Variants in GHR observed in about 807,000 individuals in gnomAD.
GHR encodes the protein GH receptor.
In GHR, 35 loss-of-function variants were observed where a neutral mutation model predicts 67.1. The observed-to-expected ratio is 0.52, with a 90% CI of 0.40 to 0.69. GHR has a LOEUF of 0.69. Among genes scored for constraint, GHR ranks in the 30% least tolerant of loss-of-function variants. The probability of loss-of-function intolerance (pLI) is 0.00; values close to 1 mark genes in which losing one functional copy is unlikely to be tolerated. For synonymous variants in GHR, 272 were observed against 269.1 expected (o/e 1.01, Z -0.10); for missense variants, 792 against 764.6 (o/e 1.04, Z -0.42).
intron 6 of GHR, among the ~76,000 whole-genome samples, chr5:42,703,371 T>C (rs1387529630): frequency 6.6e-6 from 1 of 152,014 alleles, no homozygotes; most frequent in Non-Finnish European, 1.5e-5. Flanking sequence ...TGTAAATGTG[T>C]GGATTTATTT....
chr5:42,685,830 T>C (rs1307463055), intron 3 of GHR, among the ~76,000 whole-genome samples: 1 of 152,214 alleles, frequency 6.6e-6, no homozygotes, highest in Non-Finnish European at 1.5e-5. Flanking sequence ...CTTTGTAGAT[T>C]CTGGATATTA....
At chr5:42,457,169 G>A (rs1744297346) in intron 1 of GHR, among the ~76,000 whole-genome samples, 1 of 152,164 alleles carries the variant, frequency 6.6e-6, no homozygotes, top group South Asian at 2.1e-4. Flanking sequence ...GTCTCTCTGA[G>A]AGCAAGTACC....
chr5:42,558,705 G>A (rs919298741), intron 1 of GHR, among the ~76,000 whole-genome samples: 5 of 152,188 alleles, frequency 3.3e-5, no homozygotes, highest in East Asian at 1.9e-4. Flanking sequence ...GCCTAGGTGT[G>A]TAGTAGGCTA....
chr5:42,460,303 T>A (rs1744434407), intron 1 of GHR, among the ~76,000 whole-genome samples: 1 of 152,238 alleles, frequency 6.6e-6, no homozygotes, highest in South Asian at 2.1e-4. Context: ...AAGCCAATTA[T>A]TATACCATGT....
At chr5:42,438,470 A>G (rs1743430493) in intron 1 of GHR, among the ~76,000 whole-genome samples, 1 of 152,168 alleles carries the variant, frequency 6.6e-6, no homozygotes, top group African/African-American at 2.4e-5. Flanking sequence ...AGTAAAGTGG[A>G]AGTGAAGATG....
intron 1 of GHR, among the ~76,000 whole-genome samples, chr5:42,447,342 T>C (rs1743848537): frequency 6.6e-6 from 1 of 152,164 alleles, no homozygotes; most frequent in Non-Finnish European, 1.5e-5. Flanking sequence ...ATTATTCTTA[T>C]GACTTTGCAT....
intron 2 of GHR, among the ~76,000 whole-genome samples, chr5:42,615,101 A>T (rs188019097): frequency 6.6e-6 from 1 of 152,040 alleles, no homozygotes; most frequent in Non-Finnish European, 1.5e-5. Flanking sequence ...ATAATGTGGC[A>T]TTCCTTGCAC....
chr5:42,592,091 T>TAA (rs1276668968), intron 2 of GHR, among the ~76,000 whole-genome samples: 9 of 152,118 alleles, frequency 5.9e-5, no homozygotes, highest in African/African-American at 2.2e-4. Flanking sequence ...ATACAGTTCC[T>TAA]TCAAAGGGTC....
At chr5:42,631,616 C>T (rs58854607) in intron 3 of GHR, among the ~76,000 whole-genome samples, 2,173 of 152,256 alleles carry the variant, frequency 0.014, 47 homozygotes, top group African/African-American at 0.049. Flanking sequence ...GCCTTGACAT[C>T]AAGGAGCTCA....
chr5:42,681,570 A>C, intron 3 of GHR, among the ~76,000 whole-genome samples: 1 of 152,226 alleles, frequency 6.6e-6, no homozygotes, highest in East Asian at 1.9e-4. Flanking sequence ...AGGATCTAGA[A>C]CTAGAAATAC....
At chr5:42,516,236 A>T (rs1325991223) in intron 1 of GHR, among the ~76,000 whole-genome samples, 1 of 152,186 alleles carries the variant, frequency 6.6e-6, no homozygotes, top group Non-Finnish European at 1.5e-5. Flanking sequence ...TAAAGCAGTT[A>T]ATTGAAGTAA....
intron 2 of GHR, among the ~76,000 whole-genome samples, chr5:42,591,171 G>A (rs1561149528): frequency 6.6e-6 from 1 of 152,248 alleles, no homozygotes. Context: ...TGGCAGCCGA[G>A]GAAACAGCTG....
At chr5:42,644,700 T>C (rs1262804489) in intron 3 of GHR, among the ~76,000 whole-genome samples, 2 of 151,992 alleles carry the variant, frequency 1.3e-5, no homozygotes, top group African/African-American at 2.4e-5. Context: ...TAGATAGTTA[T>C]GGGTGAAAGC....
intron 1 of GHR, among the ~76,000 whole-genome samples, chr5:42,491,821 C>T (rs1444550935): frequency 6.6e-6 from 1 of 152,154 alleles, no homozygotes; most frequent in Non-Finnish European, 1.5e-5. Flanking sequence ...CCTTCACTAA[C>T]CAGGCACAGG....
chr5:42,651,084 A>T (rs1195803863), intron 3 of GHR, among the ~76,000 whole-genome samples: 1 of 152,178 alleles, frequency 6.6e-6, no homozygotes, highest in East Asian at 1.9e-4. Context: ...TTGGGCATTA[A>T]GGACCCCAGT....
At chr5:42,449,462 C>G (rs1289255749) in intron 1 of GHR, among the ~76,000 whole-genome samples, 1 of 152,120 alleles carries the variant, frequency 6.6e-6, no homozygotes, top group East Asian at 1.9e-4. Context: ...TATAGCAATG[C>G]TACTGATTTG....
rs1326252066 is a variant in GHR at position 42,437,349 on chromosome 5, A to G, written c.-12+13394A>G. ...AAGTAATTACAGGCACAATCTGTGA[A>G]TGAAGATTTGCAAACTATGCTTCAC... On this transcript the variant is annotated intron_variant, in intron 1 of 9. Coordinates refer to ENST00000230882, the MANE Select transcript of GHR (RefSeq NM_000163.5). Among the ~76,000 whole-genome samples, 10 of 152,292 alleles carry G rather than the reference A, an allele frequency of 6.6e-5. No homozygotes were observed. The East Asian group carries it at 7.7e-4, about 12-fold the overall frequency.
rs1742770467 is a variant in GHR, at chr5:42,424,696, G to T, written c.-12+741G>T. 1 of 1,213,446 alleles carries T rather than the reference G, an allele frequency of 8.2e-7. No individual in the cohort carries two copies. Among genetic ancestry groups the T allele is most frequent in the African/African-American group, 1.5e-5 (1 of 67,024 alleles). 75.2% of individuals were successfully genotyped at this position (1,213,446 alleles called of 1,614,324 possible). A position where few individuals can be genotyped will look rare whatever the true frequency, so the allele number is the denominator to read the frequency against. ...TAAAGTTTTGACAGAACTGCCAGAG[G>T]CTGCGGGTCAATGGGGTGGCCGCGT... On this transcript the variant is annotated intron_variant, in intron 1 of 9. Transcript: ENST00000230882. The surrounding 1 kb of genome is among the most constrained non-coding windows in gnomAD (Gnocchi z 4.1).
chr5:42,603,664 G>C (rs1267185584), intron 2 of GHR, among the ~76,000 whole-genome samples: 1 of 152,118 alleles, frequency 6.6e-6, no homozygotes, highest in Non-Finnish European at 1.5e-5. Context: ...CAAACAAACT[G>C]TTTTTCCTCT....
Sources: allele counts gnomAD v4.1 joint callset (sites outside exome capture counted in the v4.1 genomes callset), GRCh38; gene constraint gnomAD v4.1.1; non-coding constraint Gnocchi (gnomAD v3.1); transcripts MANE v1.5; gene names NCBI Gene and HGNC (gene_info 2026-07-23, HGNC 2026-07-21).